Variants in SGCD observed in about 807,000 individuals in gnomAD.
SGCD encodes delta-sarcoglycan.
In SGCD, 18 loss-of-function variants were observed where a neutral mutation model predicts 36.6. The observed-to-expected ratio is 0.49, with a 90% confidence interval of 0.34 to 0.73. SGCD has a LOEUF of 0.73. SGCD is among the 30% of genes least tolerant of loss of function. The pLI is 0.01. For missense variants in SGCD, 387 were observed against 346.7 expected (o/e 1.12, Z -0.92); for synonymous variants, 133 against 130.6 (o/e 1.02, Z -0.12).
In SGCD at chr5:156,090,961, T is replaced by C. The variant is rs528614147; in HGVS notation, c.-281-26917T>C. 2.3e-3 allele frequency among the ~76,000 whole-genome samples: 350 copies of C among 152,334 alleles called. 5 individuals are homozygous for C. The highest frequency in any genetic ancestry group is 2.5e-3 in the Non-Finnish European group (172 of 68,014). On this transcript the variant is annotated intron_variant, in intron 1 of 9. Coordinates refer to the SGCD transcript ENST00000517913. ...CTTATGGTTATTTTTCCTTGTTCCC[T>C]AAAAATTGCTGTTATTCTGTTCTTT...
chr5:156,424,185 T>C (rs1580972173), intron 3 of SGCD, among the ~76,000 whole-genome samples: 1 of 152,076 alleles, frequency 6.6e-6, no homozygotes, highest in East Asian at 1.9e-4. Context: ...TGTTTTTATA[T>C]GTTCATGCAT....
At chr5:156,052,891 A>T (rs558378467) in intron 1 of SGCD, among the ~76,000 whole-genome samples, 1 of 146,390 alleles carries the variant, frequency 6.8e-6, no homozygotes, top group East Asian at 1.9e-4. Context: ...TTTTGCCCAG[A>T]GACTCAATTG....
At chr5:155,776,797 T>G in the SGCD span, among the ~76,000 whole-genome samples, 11 of 152,164 alleles carry the variant, frequency 7.2e-5, no homozygotes, top group Admixed American at 1.3e-4. Context: ...CAGATATTCC[T>G]TATAGACTCA....
chr5:156,270,851 T>C (rs1008456891), intron 3 of SGCD, among the ~76,000 whole-genome samples: 13 of 152,326 alleles, frequency 8.5e-5, no homozygotes, highest in Admixed American at 3.3e-4. Flanking sequence ...CCTAGCACTC[T>C]ATTGTTGTTT....
At chr5:155,818,446 C>T in the SGCD span, among the ~76,000 whole-genome samples, 2 of 152,020 alleles carry the variant, frequency 1.3e-5, no homozygotes, top group Non-Finnish European at 2.9e-5. Flanking sequence ...CTGAAATCAT[C>T]GTAGGAGAGG....
chr5:155,768,106 C>T, the SGCD span, among the ~76,000 whole-genome samples: 1 of 151,848 alleles, frequency 6.6e-6, no homozygotes, highest in Non-Finnish European at 1.5e-5. Flanking sequence ...TCAGTGAGTT[C>T]CATTTTTAGA....
chr5:155,768,628 C>A, the SGCD span, among the ~76,000 whole-genome samples: 5 of 152,080 alleles, frequency 3.3e-5, no homozygotes, highest in Admixed American at 2.6e-4. Context: ...TCAGAAAAAA[C>A]GAACCGGCTC....
chr5:155,807,608 C>G, the SGCD span, among the ~76,000 whole-genome samples: 2 of 152,228 alleles, frequency 1.3e-5, no homozygotes, highest in African/African-American at 4.8e-5. Flanking sequence ...AACACTCCTT[C>G]CAAGCTTTCT....
chr5:156,583,178 GCAATGC>G (rs1042426708), intron 4 of SGCD, among the ~76,000 whole-genome samples: 4 of 152,128 alleles, frequency 2.6e-5, no homozygotes, highest in African/African-American at 9.7e-5. Context: ...AGGATTGAAG[GCAATGC>G]CAACTGTGCA....
At chr5:156,388,763 C>A (rs1771413946) in intron 3 of SGCD, among the ~76,000 whole-genome samples, 1 of 152,154 alleles carries the variant, frequency 6.6e-6, no homozygotes, top group Non-Finnish European at 1.5e-5. Flanking sequence ...TATTTTTGTT[C>A]TATAACTTTT....
chr5:156,431,272 T>C (rs1752998731), intron 3 of SGCD, among the ~76,000 whole-genome samples: 1 of 152,148 alleles, frequency 6.6e-6, no homozygotes, highest in African/African-American at 2.4e-5. Context: ...ACTCTGCTTC[T>C]CATGCAGGTC....
intron 3 of SGCD, among the ~76,000 whole-genome samples, chr5:156,284,724 T>C (rs1219264963): frequency 6.6e-6 from 1 of 152,192 alleles, no homozygotes; most frequent in Non-Finnish European, 1.5e-5. Flanking sequence ...TCATACTGAA[T>C]GGGCAAAAAC....
intron 1 of SGCD, among the ~76,000 whole-genome samples, chr5:156,103,357 AG>A (rs1761568696): frequency 2.1e-5 from 1 of 46,970 alleles, no homozygotes; most frequent in African/African-American, 1.7e-4. Context: ...TGACATTACA[AG>A]ACATTACAAA....
intron 1 of SGCD, among the ~76,000 whole-genome samples, chr5:155,878,587 C>T (rs909315985): frequency 6.6e-6 from 1 of 152,044 alleles, no homozygotes; most frequent in Non-Finnish European, 1.5e-5. Flanking sequence ...TAAGAATACT[C>T]AAGACTTTTT....
intron 1 of SGCD, among the ~76,000 whole-genome samples, chr5:156,116,932 C>A (rs916495509): frequency 1.4e-4 from 22 of 152,002 alleles, no homozygotes; most frequent in Non-Finnish European, 2.1e-4. Flanking sequence ...GGCAGTAATT[C>A]TACTCCTCTG....
At chr5:156,104,362 C>T (rs866996389) in intron 1 of SGCD, among the ~76,000 whole-genome samples, 6 of 152,132 alleles carry the variant, frequency 3.9e-5, no homozygotes, top group African/African-American at 9.7e-5. Flanking sequence ...TTGATCTTCA[C>T]GATATGCCCA....
At chr5:155,781,884 C>A in the SGCD span, among the ~76,000 whole-genome samples, 2 of 152,066 alleles carry the variant, frequency 1.3e-5, no homozygotes, top group Non-Finnish European at 2.9e-5. Context: ...TAGTGGCCAC[C>A]CTTTCATCCC....
intron 4 of SGCD, among the ~76,000 whole-genome samples, chr5:156,552,876 G>C (rs545796904): frequency 6.6e-6 from 1 of 152,028 alleles, no homozygotes; most frequent in African/African-American, 2.4e-5. Flanking sequence ...TTCATCTTTA[G>C]CTCCTTCCAC....
intron 4 of SGCD, among the ~76,000 whole-genome samples, chr5:156,575,788 T>C (rs1759918572): frequency 6.6e-6 from 1 of 152,200 alleles, no homozygotes; most frequent in African/African-American, 2.4e-5. Flanking sequence ...TTGGAGCGAT[T>C]GGGTACACAA....
Sources: gnomAD v4.1 joint callset for allele counts (sites outside exome capture counted in the v4.1 genomes callset) on GRCh38, gnomAD v4.1.1 for gene constraint, MANE v1.5 for transcripts, NCBI Gene and HGNC (gene_info 2026-07-23, HGNC 2026-07-21) for gene names.